PLXNB1: variants seen among roughly 807,000 people sequenced by gnomAD.
PLXNB1 encodes plexin-B1.
PLXNB1 carries 106 observed loss-of-function variants against 209.4 expected under a neutral mutation model. The observed-to-expected ratio is 0.51, with a 90% CI of 0.43 to 0.59. The LOEUF (loss-of-function observed/expected upper bound fraction) is 0.59, where lower values mean the gene tolerates loss of function less well. Among genes scored for constraint, PLXNB1 ranks in the 20% least tolerant of loss-of-function variants. The pLI, the probability that PLXNB1 is intolerant of heterozygous loss-of-function variation, is 0.00. For missense variants in PLXNB1, 2,357 were observed against 2,853.2 expected (o/e 0.83, Z 3.96); for synonymous variants, 1,167 against 1,183.2 (o/e 0.99, Z 0.28).
At position 48,424,192 on chromosome 3, in the gene PLXNB1, T is replaced by C. The variant is rs2038748123; in HGVS notation, c.420A>G (p.Thr140=). The C allele has an allele frequency of 1.3e-6, 2 of 1,590,752 alleles. No homozygotes were observed. Among genetic ancestry groups the C allele is most frequent in the African/African-American group, 1.3e-5 (1 of 74,340 alleles). ...CAGGATCATTGGCAGCCACATATTG[T>C]GTGTCCCCAGGCCGCTCTGGCCGCA... ...LLLRPERPGD[T]QYVAANDPAV... Residue 140 remains threonine, a synonymous_variant, in exon 3 of 38, where the codon ACA becomes ACG. Coordinates refer to ENST00000296440, the MANE Select transcript of PLXNB1 (RefSeq NM_001130082.3).
chr3:48,416,434 C>T lies in PLXNB1; in HGVS notation c.3392G>A (p.Gly1131Glu), dbSNP rs766864463. 4 of 1,612,754 alleles carry T rather than the reference C, an allele frequency of 2.5e-6. No individual in the cohort carries two copies. Among genetic ancestry groups the T allele is most frequent in the African/African-American group, 1.3e-5 (1 of 75,030 alleles). ...EVSSSLVCIT[G>E]ASGEEVAGAT... ...GCCGGCCACCTCCTCCCCACTGGCCCCGGTGATGCACACGAGGCTGTAGGC... is the reference window on the plus strand; with the variant it reads ...GCCGGCCACCTCCTCCCCACTGGCCTCGGTGATGCACACGAGGCTGTAGGC... Residue 1131 changes from glycine to glutamate, a missense_variant, in exon 17 of 38, where the codon GGG becomes GAG. By Grantham distance (98) the Gly-to-Glu change is moderately conservative. Around this residue, in one of 7 missense-constraint regions of PLXNB1, gnomAD observed 743 missense variants for 896.2 expected, o/e 0.83. Coordinates refer to ENST00000296440, the MANE Select transcript of PLXNB1 (RefSeq NM_001130082.3). This position sits in a 1 kb window ranked among gnomAD's most constrained non-coding sequence, Gnocchi z 4.1.
rs1230735854 is a variant in PLXNB1, at chr3:48,420,057, G to A, written c.2229C>T (p.Gly743=). 1 of 1,613,292 alleles carries A rather than the reference G, an allele frequency of 6.2e-7. No homozygotes were observed. The highest frequency in any genetic ancestry group is 1.7e-5 in the Admixed American group (1 of 59,986). Residue 743 remains glycine, a synonymous_variant, in exon 11 of 38, where the codon GGC becomes GGT. Coordinates refer to ENST00000296440, the MANE Select transcript of PLXNB1 (RefSeq NM_001130082.3). ...CTGTGGAGCCAGGGGAAGATATGGAGCCAGAACCTGCCCATGGCCCCCAGG... is the reference window on the plus strand; with the variant it reads ...CTGTGGAGCCAGGGGAAGATATGGAACCAGAACCTGCCCATGGCCCCCAGG... ...LSPWGPWAGS[G]SISSPGSTGS...
chr3:48,416,093 G>A lies in PLXNB1; in HGVS notation c.3555C>T (p.Ser1185=). Residue 1185 remains serine (S), a synonymous_variant, in exon 18 of 38, where the codon TCC becomes TCT. Coordinates refer to ENST00000296440, the MANE Select transcript of PLXNB1 (RefSeq NM_001130082.3). This position sits in a 1 kb window ranked among gnomAD's most constrained non-coding sequence, Gnocchi z 4.1. ...AGGTRLTLNG[S]KLLTGRLEDI... ...CCTCCAGCCGCCCAGTCAGGAGCTT[G>A]GAGCCATTCAGGGTGAGACGGGTGC... The A allele has an allele frequency of 1.2e-6, 2 of 1,601,276 alleles. No homozygotes were observed. Among genetic ancestry groups the A allele is most frequent in the African/African-American group, 1.3e-5 (1 of 74,816 alleles).
chr3:48,422,987 T>C (rs1405748508), intron 3 of PLXNB1, 40 bp from the exon 4 acceptor site: 1 of 1,577,106 alleles, frequency 6.3e-7, no homozygotes, highest in Non-Finnish European at 8.7e-7. Flanking sequence ...CCTCCCTGGA[T>C]AACCTCCTCG....
chr3:48,412,387 C>T lies in PLXNB1; in HGVS notation c.5033+55G>A, dbSNP rs2037747276. ...ATCCTGCAGACCCCCCAGCCCGAGG[C>T]CCCACCCCAGCTCCAGCTGTCCAGG... On this transcript the variant is annotated intron_variant, in intron 26 of 37. Transcript: ENST00000296440. 2.5e-6 allele frequency: 4 copies of T among 1,610,866 alleles called. No individual in the cohort carries two copies. In the Admixed American group the frequency reaches 6.7e-5, roughly 27 times the overall value.
intron 1 of PLXNB1, among the ~76,000 whole-genome samples, chr3:48,428,527 A>C (rs959178345): frequency 2.6e-5 from 4 of 152,160 alleles, no homozygotes; most frequent in Non-Finnish European, 5.9e-5. Context: ...AAAGGGGCTC[A>C]CAAACCCCGC....
rs771448169 is a variant in PLXNB1, at chr3:48,417,864, G to A, written c.3374+47C>T. ...GGCCCCAAGCAGCAACGCCAACCGCGGAGGCCCCAGGCTGCGCCGTGCTCC... is the reference window on the plus strand; with the variant it reads ...GGCCCCAAGCAGCAACGCCAACCGCAGAGGCCCCAGGCTGCGCCGTGCTCC... On this transcript the variant is annotated intron_variant, in intron 16 of 37. Coordinates refer to ENST00000296440, the MANE Select transcript of PLXNB1 (RefSeq NM_001130082.3). The surrounding 1 kb of genome is among the most constrained non-coding windows in gnomAD (Gnocchi z 4.4). The A allele has an allele frequency of 2.2e-5, 34 of 1,566,160 alleles. No individual in the cohort carries two copies. The highest frequency in any genetic ancestry group is 6.8e-5 in the East Asian group (3 of 44,226).
intron 4 of PLXNB1, 111 bp from the exon 5 acceptor site, chr3:48,422,570 A>C (rs758445877): frequency 1.3e-5 from 18 of 1,377,910 alleles, no homozygotes; most frequent in Non-Finnish European, 1.7e-5. Context: ...CCTCCTAGGC[A>C]GTCACAGGTC....
chr3:48,422,585 C>A, intron 4 of PLXNB1, 126 bp from the exon 5 acceptor site: 1 of 1,311,996 alleles, frequency 7.6e-7, no homozygotes, highest in Non-Finnish European at 1.0e-6. Context: ...CAGGTCATAC[C>A]AACTGGCCTA....
Position 48,413,089 on chromosome 3 carries a change from C to T in PLXNB1, c.4616G>A (p.Arg1539His), listed in dbSNP as rs141892969. The T allele has an allele frequency of 3.7e-6, 6 of 1,613,410 alleles. No individual in the cohort carries two copies. Among genetic ancestry groups the T allele is most frequent in the East Asian group, 2.2e-5 (1 of 44,884 alleles). The change falls in exon 24 of 38, where the codon CGC (arginine) becomes CAC (histidine). Residue 1539 changes from arginine (R) to histidine (H), a missense_variant. By Grantham distance (29) the Arg-to-His change is conservative. This residue lies in a region of PLXNB1 where 743 missense variants were observed against 896.2 expected (regional missense o/e 0.83). Coordinates refer to ENST00000296440, the MANE Select transcript of PLXNB1 (RefSeq NM_001130082.3). This position sits in a 1 kb window ranked among gnomAD's most constrained non-coding sequence, Gnocchi z 5.4. ...CACACCTGTGAATTCCTTCTTGCAG[C>T]GGTCCCGCACACTGCTCTCCAGATT... is the stretch of plus-strand genomic sequence containing the variant. ...LENLESSVRD[R>H]CKKEFTDLMT...
At position 48,413,843 on chromosome 3, in the gene PLXNB1, A is replaced by G. The variant is rs2037869535; in HGVS notation, c.4387-25T>C. On this transcript the variant is annotated intron_variant, in intron 22 of 37. Transcript: ENST00000296440. This position sits in a 1 kb window ranked among gnomAD's most constrained non-coding sequence, Gnocchi z 5.4. ...CCTGTGTCAGGAGCCACCTGTGAGC[A>G]AGGGTTTGGCCCAGGTCAATGCCCA... The G allele has an allele frequency of 6.2e-7, 1 of 1,611,086 alleles. No homozygotes were observed. Among genetic ancestry groups the G allele is most frequent in the Non-Finnish European group, 8.5e-7 (1 of 1,177,984 alleles).
chr3:48,422,667 G>T, intron 4 of PLXNB1, 98 bp downstream of exon 4: 1 of 1,370,576 alleles, frequency 7.3e-7, no homozygotes, highest in Non-Finnish European at 1.0e-6. Context: ...ATCTCTCCTG[G>T]CCCAGGGGTC....
rs1304909345 is a variant in PLXNB1, at chr3:48,411,408, G to A, written c.5248-372C>T. ...TATTCCCACCTATCCGACAGGGGAG[G>A]GGTTCAGCAGGCCTGAATGGGGGTT... On this transcript the variant is annotated intron_variant, in intron 28 of 37. Transcript: ENST00000296440. The surrounding 1 kb of genome is among the most constrained non-coding windows in gnomAD (Gnocchi z 4.0). Among the ~76,000 whole-genome samples the A allele has an allele frequency of 2.0e-5, 3 of 152,216 alleles. No homozygotes were observed. The highest frequency in any genetic ancestry group is 2.1e-4 in the South Asian group (1 of 4,832).
chr3:48,425,820 A>ACT (rs1479680997), intron 1 of PLXNB1, among the ~76,000 whole-genome samples: 1 of 151,174 alleles, frequency 6.6e-6, no homozygotes, highest in Non-Finnish European at 1.5e-5. Context: ...ACACACACAC[A>ACT]CACACACACA....
In PLXNB1 at chr3:48,413,628, C is replaced by T; in HGVS notation, c.4535+42G>A. The T allele has an allele frequency of 6.4e-7, 1 of 1,566,128 alleles. No homozygotes were observed. The highest frequency in any genetic ancestry group is 8.7e-7 in the Non-Finnish European group (1 of 1,150,474). On this transcript the variant is annotated intron_variant, in intron 23 of 37. Coordinates refer to ENST00000296440, the MANE Select transcript of PLXNB1 (RefSeq NM_001130082.3). The surrounding 1 kb of genome is among the most constrained non-coding windows in gnomAD (Gnocchi z 5.4). ...CTGTCCCTTCCCAGTCCAGCCAGAT[C>T]CCACGACCTGCCCCAGCCCAGCCAC...
In PLXNB1 at chr3:48,429,038, G is replaced by A. The variant is rs1560082496; in HGVS notation, c.-60+970C>T. 6.6e-6 allele frequency among the ~76,000 whole-genome samples: 1 copy of A among 152,222 alleles called. No homozygotes were observed. The highest frequency in any genetic ancestry group is 1.5e-5 in the Non-Finnish European group (1 of 68,034). Reference sequence around the variant, plus strand: ...CCGGCGGCGACGGCGAGGAGGGGGCGCGGAGGAGCAGCTCCACCTCCTCAG... The same window carrying A: ...CCGGCGGCGACGGCGAGGAGGGGGCACGGAGGAGCAGCTCCACCTCCTCAG... On this transcript the variant is annotated intron_variant, in intron 1 of 37. Coordinates refer to ENST00000296440, the MANE Select transcript of PLXNB1 (RefSeq NM_001130082.3). The surrounding 1 kb of genome is among the most constrained non-coding windows in gnomAD (Gnocchi z 6.4).
At position 48,421,843 on chromosome 3, in the gene PLXNB1, T is replaced by C. The variant is rs113192482; in HGVS notation, c.1521-37A>G. The C allele has an allele frequency of 5.3e-3, 8,378 of 1,578,598 alleles. 357 individuals are homozygous for C. In the African/African-American group the frequency reaches 0.093, roughly 18 times the overall value. On this transcript the variant is annotated intron_variant, in intron 6 of 37. Coordinates refer to ENST00000296440, the MANE Select transcript of PLXNB1 (RefSeq NM_001130082.3). Reference sequence around the variant, plus strand: ...GACCAGTGTCTATCTGTGACCCTCATGGGCCACTGGGAGTTCATAGGGTAG... The same window carrying C: ...GACCAGTGTCTATCTGTGACCCTCACGGGCCACTGGGAGTTCATAGGGTAG...
rs761458536 is a variant in PLXNB1, at chr3:48,412,889, C to T, written c.4707G>A (p.Lys1569=). Residue 1569 remains lysine (K), a synonymous_variant, in exon 25 of 38, where the codon AAG becomes AAA. Coordinates refer to ENST00000296440, the MANE Select transcript of PLXNB1 (RefSeq NM_001130082.3). ...GGAAGAAGATCCTCTCCGCATACAC[C>T]TTGTAGTCGAGGAAGGGGATGCCGC... ...LGSGIPFLDY[K]VYAERIFFPG... 5 of 1,613,872 alleles carry T rather than the reference C, an allele frequency of 3.1e-6. No individual in the cohort carries two copies. In the Admixed American group the frequency reaches 6.7e-5, roughly 22 times the overall value.
In PLXNB1 at chr3:48,419,132, G is replaced by C. The variant is rs1253431880; in HGVS notation, c.2833-93C>G. The C allele has an allele frequency of 1.6e-5, 25 of 1,576,046 alleles. No individual in the cohort carries two copies. The highest frequency in any genetic ancestry group is 2.1e-5 in the Non-Finnish European group (24 of 1,155,700). On this transcript the variant is annotated intron_variant, in intron 12 of 37. Transcript: ENST00000296440. This position sits in a 1 kb window ranked among gnomAD's most constrained non-coding sequence, Gnocchi z 5.7. ...CAACAGATCCCCCAGCACAGCTTCTGGGTTGGAGTTGAGCCCTCGGACTCT... is the reference window on the plus strand; with the variant it reads ...CAACAGATCCCCCAGCACAGCTTCTCGGTTGGAGTTGAGCCCTCGGACTCT...
Sources: gnomAD v4.1 joint callset for allele counts (sites outside exome capture counted in the v4.1 genomes callset) on GRCh38, gnomAD v4.1.1 for gene constraint, gnomAD v4.1.1 regional missense constraint, Gnocchi (gnomAD v3.1) non-coding constraint, MANE v1.5 for transcripts, NCBI Gene and HGNC (gene_info 2026-07-23, HGNC 2026-07-21) for gene names.